The following PLCG2 variants were observed in gnomAD, a reference collection of about 807,000 sequenced individuals.
PLCG2 encodes phospholipase C gamma 2.
A neutral mutation model predicts 175.6 loss-of-function variants in PLCG2; 69 were observed. The ratio of observed to expected loss-of-function variants is 0.39; its 90% CI spans 0.32 to 0.48. PLCG2 has a LOEUF of 0.48. PLCG2 is among the 20% of genes least tolerant of loss of function. The pLI, the probability that PLCG2 is intolerant of heterozygous loss-of-function variation, is 0.91. For missense variants in PLCG2, 1,798 were observed against 1,650.9 expected (o/e 1.09, Z -1.54); for synonymous variants, 827 against 624.0 (o/e 1.33, Z -4.85).
At chr16:81,778,057 A>AACAC (rs1910518187), upstream of PLCG2, among the ~76,000 whole-genome samples, 1 of 108,760 alleles carries the variant, frequency 9.2e-6, no homozygotes, top group Non-Finnish European at 1.8e-5. Context: ...AAAAAAAACA[A>AACAC]AAAAAACCAA....
intron 2 of PLCG2, among the ~76,000 whole-genome samples, chr16:81,827,400 G>A (rs1054372978): frequency 6.6e-6 from 1 of 151,838 alleles, no homozygotes; most frequent in African/African-American, 2.4e-5. Context: ...TGTTTCCCAG[G>A]CTGATCTCGA....
chr16:81,893,666 G>A (rs1400131376), intron 11 of PLCG2, 43 bp from the exon 12 acceptor site: 3 of 1,240,386 alleles, frequency 2.4e-6, no homozygotes, highest in Non-Finnish European at 3.6e-6. Flanking sequence ...CCCAACCCCT[G>A]TGGCTGCCAC....
At chr16:81,788,137 G>C (rs1035456289) in intron 2 of PLCG2, among the ~76,000 whole-genome samples, 1 of 152,156 alleles carries the variant, frequency 6.6e-6, no homozygotes, top group Non-Finnish European at 1.5e-5. Context: ...TTTAGGAACT[G>C]TCAGACTGTT....
At chr16:81,844,505 A>G (rs1364608931) in intron 2 of PLCG2, among the ~76,000 whole-genome samples, 1 of 151,904 alleles carries the variant, frequency 6.6e-6, no homozygotes, top group African/African-American at 2.4e-5. Flanking sequence ...TATTTTTGGT[A>G]GAGACAGGGT....
intron 2 of PLCG2, among the ~76,000 whole-genome samples, chr16:81,805,209 A>G (rs1911939305): frequency 6.6e-6 from 1 of 152,130 alleles, no homozygotes; most frequent in South Asian, 2.1e-4. Context: ...TTAAAACTCA[A>G]CAATAAAAGG....
chr16:81,749,373 G>T (rs1909762611), intron 1 of PLCG2, among the ~76,000 whole-genome samples: 1 of 151,286 alleles, frequency 6.6e-6, no homozygotes, highest in African/African-American at 2.4e-5. Flanking sequence ...TTTTGCGATG[G>T]AGTCTCATTC....
At chr16:81,808,533 G>A (rs566163058) in intron 2 of PLCG2, among the ~76,000 whole-genome samples, 7 of 151,840 alleles carry the variant, frequency 4.6e-5, no homozygotes, top group East Asian at 1.9e-4. Flanking sequence ...TCCCTCTGTC[G>A]CCCAGGCTGG....
At chr16:81,805,819 T>A (rs1338569212) in intron 2 of PLCG2, among the ~76,000 whole-genome samples, 1 of 148,058 alleles carries the variant, frequency 6.8e-6, no homozygotes, top group Admixed American at 6.7e-5. Flanking sequence ...TTGTTTTGTT[T>A]TTTAAATAGA....
intron 7 of PLCG2, among the ~76,000 whole-genome samples, chr16:81,872,448 G>T (rs1907561646): frequency 6.6e-6 from 1 of 152,188 alleles, no homozygotes; most frequent in African/African-American, 2.4e-5. Flanking sequence ...TGTGCTGGAA[G>T]GGGTTGGGAA....
At chr16:81,935,779 G>C in intron 26 of PLCG2, 1 of 985,282 alleles carries the variant, frequency 1.0e-6, no homozygotes, top group Non-Finnish European at 1.2e-6. Flanking sequence ...TTCTCAGTTT[G>C]TTCATCTTGT....
intron 9 of PLCG2, among the ~76,000 whole-genome samples, chr16:81,885,700 A>G (rs1270549288): frequency 1.3e-5 from 2 of 152,136 alleles, no homozygotes; most frequent in African/African-American, 4.8e-5. Flanking sequence ...ATGCCATCCG[A>G]TACCCAGCCT....
chr16:81,925,455 G>T (rs937967036), intron 22 of PLCG2, among the ~76,000 whole-genome samples: 3 of 152,194 alleles, frequency 2.0e-5, no homozygotes, highest in African/African-American at 7.2e-5. Flanking sequence ...AATGGTGCGG[G>T]GGGGCGTGAA....
At chr16:81,793,493 A>C (rs572400095) in intron 2 of PLCG2, among the ~76,000 whole-genome samples, 203 of 152,176 alleles carry the variant, frequency 1.3e-3, no homozygotes, top group African/African-American at 4.8e-3. Flanking sequence ...GGCCCTTTTG[A>C]GGGCCTGGAT....
rs1365999319 is a variant in PLCG2, at chr16:81,934,280, G to A, written c.2740-149G>A. On this transcript the variant is annotated intron_variant, in intron 25 of 32. Transcript: ENST00000564138. ...GAGAGGAAGAAACGAGAGGGGCAGG[G>A]TTGTCTTCAGGAAAGGAAAACATTC... 14 of 621,130 alleles carry A rather than the reference G, an allele frequency of 2.3e-5. No individual in the cohort carries two copies. In the East Asian group the frequency reaches 3.5e-4, roughly 16 times the overall value. The allele number at this position is 621,130 out of a possible 1,614,324, so 38.5% of individuals were successfully genotyped here.
At chr16:81,925,683 T>A (rs1597136211) in intron 22 of PLCG2, among the ~76,000 whole-genome samples, 1 of 151,468 alleles carries the variant, frequency 6.6e-6, no homozygotes, top group Non-Finnish European at 1.5e-5. Flanking sequence ...AGGTCAGGAG[T>A]TTGAGACCAG....
At chr16:81,931,307 A>C (rs561789664) in intron 24 of PLCG2, 190 bp from the exon 25 acceptor site, 128 of 479,606 alleles carry the variant, frequency 2.7e-4, no homozygotes, top group Non-Finnish European at 4.3e-4. Context: ...TACTGAATCT[A>C]CTGCATCCCT....
chr16:81,920,968 C>T (rs559670285), intron 20 of PLCG2, among the ~76,000 whole-genome samples: 21 of 152,288 alleles, frequency 1.4e-4, no homozygotes, highest in East Asian at 9.6e-4. Flanking sequence ...GTGCCTGGCA[C>T]GCAGCAGGCC....
Position 81,785,397 on chromosome 16 carries a change from G to T in PLCG2, c.-47-546G>T, listed in dbSNP as rs570531747. On this transcript the variant is annotated intron_variant, in intron 1 of 32. Coordinates refer to ENST00000564138, the MANE Select transcript of PLCG2 (RefSeq NM_002661.5). The stretch of plus-strand genomic sequence containing the variant: ...TTTGAACGTGAAGCTGCCAAGACCT[G>T]ACATTTCCTGCCTTTCATCCTCATT... Among the ~76,000 whole-genome samples the T allele has an allele frequency of 5.9e-5, 9 of 152,248 alleles. No homozygotes were observed. The South Asian group carries it at 1.9e-3, about 32-fold the overall frequency.
At chr16:81,884,395 A>G (rs1908250640) in intron 9 of PLCG2, among the ~76,000 whole-genome samples, 1 of 152,130 alleles carries the variant, frequency 6.6e-6, no homozygotes, top group Non-Finnish European at 1.5e-5. Context: ...AAAAAAAAAA[A>G]AGTCAAAGAA....
Sources: gnomAD v4.1 joint callset for allele counts (sites outside exome capture counted in the v4.1 genomes callset) on GRCh38, gnomAD v4.1.1 for gene constraint, MANE v1.5 for transcripts, NCBI Gene and HGNC (gene_info 2026-07-23, HGNC 2026-07-21) for gene names.